Variants in GRM7 observed in about 807,000 individuals in gnomAD.
The protein encoded by GRM7 is metabotropic glutamate receptor 7.
A neutral mutation model predicts 84.5 loss-of-function variants in GRM7; 35 were observed. The ratio of observed to expected loss-of-function variants is 0.41; its 90% CI spans 0.32 to 0.55. The LOEUF (loss-of-function observed/expected upper bound fraction) is 0.55. Ranked by LOEUF, GRM7 falls within the 20% of genes least tolerant of loss-of-function variation. The pLI, the probability that GRM7 is intolerant of heterozygous loss-of-function variation, is 0.19. For missense variants in GRM7, 1,003 were observed against 1,194.6 expected, an observed-to-expected ratio of 0.84 and a Z score of 2.36; for synonymous variants, 487 against 455.1, an observed-to-expected ratio of 1.07 and a Z score of -0.89.
At chr3:7,399,707 T>G (rs932023477) in intron 4 of GRM7, among the ~76,000 whole-genome samples, 1 of 152,118 alleles carries the variant, frequency 6.6e-6, no homozygotes, top group Non-Finnish European at 1.5e-5. Context: ...ATTAGTTCCC[T>G]CAGAATTCTC....
chr3:6,936,386 C>A (rs936007002), intron 1 of GRM7, among the ~76,000 whole-genome samples: 1 of 152,136 alleles, frequency 6.6e-6, no homozygotes, highest in Admixed American at 6.6e-5. Flanking sequence ...CCAGTTGTAC[C>A]GGTGTGGCAC....
intron 1 of GRM7, among the ~76,000 whole-genome samples, chr3:6,959,850 G>A (rs1406805778): frequency 2.6e-5 from 4 of 152,066 alleles, no homozygotes; most frequent in Non-Finnish European, 5.9e-5. Flanking sequence ...TGGGAGGTTA[G>A]TTTTTTTCAC....
intron 1 of GRM7, among the ~76,000 whole-genome samples, chr3:6,886,200 T>C (rs1695687806): frequency 6.6e-6 from 1 of 152,082 alleles, no homozygotes; most frequent in Non-Finnish European, 1.5e-5. Context: ...ATAGTCACCA[T>C]GTTGTACATT....
At chr3:7,648,137 ATTC>A (rs1308272812) in intron 8 of GRM7, among the ~76,000 whole-genome samples, 1 of 152,082 alleles carries the variant, frequency 6.6e-6, no homozygotes, top group Non-Finnish European at 1.5e-5. Context: ...TAAAGCTTTC[ATTC>A]TTCTTTAAGA....
At chr3:7,372,013 T>C (rs1201549813) in intron 4 of GRM7, among the ~76,000 whole-genome samples, 2 of 152,048 alleles carry the variant, frequency 1.3e-5, no homozygotes, top group Non-Finnish European at 2.9e-5. Flanking sequence ...GGAGGAGCCA[T>C]GTGCAGAGAC....
intron 2 of GRM7, among the ~76,000 whole-genome samples, chr3:7,157,367 A>G (rs767938891): frequency 6.6e-5 from 10 of 152,208 alleles, no homozygotes; most frequent in Non-Finnish European, 1.3e-4. Context: ...ATGTGATAAA[A>G]TAGATTTTCT....
intron 9 of GRM7, among the ~76,000 whole-genome samples, chr3:7,698,040 T>C (rs1189080151): frequency 6.6e-6 from 1 of 152,228 alleles, no homozygotes; most frequent in Non-Finnish European, 1.5e-5. Context: ...TTAGGGACTC[T>C]GCATGGAAGG....
chr3:7,555,401 C>G (rs963973445), intron 7 of GRM7, among the ~76,000 whole-genome samples: 3 of 152,176 alleles, frequency 2.0e-5, no homozygotes, highest in Non-Finnish European at 2.9e-5. Context: ...CTTCCCCTAA[C>G]TTTCTGGTTT....
rs1048024586 is a variant in GRM7 at position 7,297,976 on chromosome 3, T to C, written c.737-708T>C. Among the ~76,000 whole-genome samples the C allele has an allele frequency of 1.1e-4, 16 of 152,336 alleles. 4 individuals are homozygous for C. The highest frequency in any genetic ancestry group is 2.6e-4 in the Admixed American group (4 of 15,288). The stretch of plus-strand genomic sequence containing the variant: ...AAATTCATAATGCCAATTAATATTA[T>C]ACTGGCTCTGACAAGTTTGGAGTTA... On this transcript the variant is annotated intron_variant, in intron 2 of 9. Transcript: ENST00000357716.
chr3:7,421,864 A>C (rs938209562), intron 5 of GRM7, among the ~76,000 whole-genome samples: 5 of 151,364 alleles, frequency 3.3e-5, no homozygotes, highest in African/African-American at 1.2e-4. Context: ...GTATTTTTAA[A>C]AAATAGGGCC....
At chr3:7,259,878 C>G (rs905468502) in intron 2 of GRM7, among the ~76,000 whole-genome samples, 7 of 150,502 alleles carry the variant, frequency 4.7e-5, no homozygotes, top group African/African-American at 1.7e-4. Context: ...CTGCGTTCCA[C>G]AATGGTTGAA....
intron 8 of GRM7, among the ~76,000 whole-genome samples, chr3:7,664,301 AATT>A (rs1699587466): frequency 7.0e-6 from 1 of 143,774 alleles, no homozygotes. Context: ...TCGTGGAATA[AATT>A]ATCTTTTGTC....
rs1418661539 is a variant in GRM7, at chr3:7,151,380, C to G, written c.736+4712C>G. 2.6e-5 allele frequency among the ~76,000 whole-genome samples: 4 copies of G among 152,062 alleles called. No individual in the cohort carries two copies. The highest frequency in any genetic ancestry group is 4.4e-5 in the Non-Finnish European group (3 of 68,024). ...CGAGATTGCACCACTGCACTTTAGCCTGGGAGACAGAGCAAGACTCTGTCT... is the reference window on the plus strand; with the variant it reads ...CGAGATTGCACCACTGCACTTTAGCGTGGGAGACAGAGCAAGACTCTGTCT... On this transcript the variant is annotated intron_variant, in intron 2 of 9. Coordinates refer to ENST00000357716, the MANE Select transcript of GRM7 (RefSeq NM_000844.4). This position sits in a 1 kb window ranked among gnomAD's most constrained non-coding sequence, Gnocchi z 4.5.
chr3:6,987,691 A>G (rs1444310636), intron 1 of GRM7, among the ~76,000 whole-genome samples: 8 of 152,210 alleles, frequency 5.3e-5, no homozygotes, highest in Non-Finnish European at 4.4e-5. Flanking sequence ...GGAAGCCAGC[A>G]GAAAGATTTT....
intron 4 of GRM7, among the ~76,000 whole-genome samples, chr3:7,366,460 A>G (rs760929251): frequency 4.6e-5 from 7 of 151,872 alleles, no homozygotes; most frequent in Non-Finnish European, 8.8e-5. Context: ...GGTCCTCTCA[A>G]TGTCTTTATA....
chr3:6,986,773 C>T (rs889014780), intron 1 of GRM7, among the ~76,000 whole-genome samples: 1 of 152,190 alleles, frequency 6.6e-6, no homozygotes, highest in Non-Finnish European at 1.5e-5. Context: ...CCACAGCCCT[C>T]CTTCCATGTT....
rs1218622972 is a variant in GRM7, at chr3:7,221,648, C to A, written c.736+74980C>A. ...TTATACTTCTTTTCATTTATTGTCT[C>A]TACTGATATATTAATTTTAAATCTA... is the stretch of plus-strand genomic sequence containing the variant. On this transcript the variant is annotated intron_variant, in intron 2 of 9. Coordinates refer to ENST00000357716, the MANE Select transcript of GRM7 (RefSeq NM_000844.4). Among the ~76,000 whole-genome samples, 12 of 151,674 alleles carry A rather than the reference C, an allele frequency of 7.9e-5. No homozygotes were observed. In the East Asian group the frequency reaches 2.3e-3, roughly 29 times the overall value.
At chr3:7,691,351 G>C (rs1301700146) in intron 9 of GRM7, 2 of 885,328 alleles carry the variant, frequency 2.3e-6, no homozygotes, top group Non-Finnish European at 3.1e-6. Context: ...CCAAGTATTG[G>C]TTATAACCTG....
intron 1 of GRM7, among the ~76,000 whole-genome samples, chr3:6,956,251 A>T (rs1384114017): frequency 6.6e-6 from 1 of 152,194 alleles, no homozygotes; most frequent in African/African-American, 2.4e-5. Flanking sequence ...AAAGATTCTG[A>T]GGTCAAGTCT....
Sources: allele counts gnomAD v4.1 joint callset (sites outside exome capture counted in the v4.1 genomes callset), GRCh38; gene constraint gnomAD v4.1.1; non-coding constraint Gnocchi (gnomAD v3.1); transcripts MANE v1.5; gene names NCBI Gene and HGNC (gene_info 2026-07-23, HGNC 2026-07-21).